LOC128092253: variants seen among roughly 807,000 people sequenced by gnomAD.
chr6:133,959,550 C>A, the LOC128092253 span, among the ~76,000 whole-genome samples: 3 of 151,990 alleles, frequency 2.0e-5, no homozygotes, highest in African/African-American at 7.2e-5. Flanking sequence ...GGCGCGATCT[C>A]GGCTCACTGC....
At chr6:133,969,315 T>C in the LOC128092253 span, among the ~76,000 whole-genome samples, 1 of 150,902 alleles carries the variant, frequency 6.6e-6, no homozygotes, top group Non-Finnish European at 1.5e-5. Flanking sequence ...TTGACTAATT[T>C]CCATTAAAAA....
At chr6:133,977,602 A>G in the LOC128092253 span, among the ~76,000 whole-genome samples, 11 of 152,202 alleles carry the variant, frequency 7.2e-5, 1 homozygote, top group Admixed American at 2.0e-4. Context: ...ATTCGCATGA[A>G]GTTTCTTCTT....
the LOC128092253 span, among the ~76,000 whole-genome samples, chr6:133,958,328 TGTTA>T: frequency 1.1e-4 from 16 of 152,226 alleles, no homozygotes; most frequent in African/African-American, 3.9e-4. Context: ...ACTTGAAGCT[TGTTA>T]GTATCAGTGT....
chr6:133,955,264 T>G, the LOC128092253 span, among the ~76,000 whole-genome samples: 1 of 149,494 alleles, frequency 6.7e-6, no homozygotes, highest in African/African-American at 2.5e-5. Context: ...CTTCATTGTT[T>G]GAGTGAGGGT....
At chr6:133,956,475 A>G in the LOC128092253 span, among the ~76,000 whole-genome samples, 1 of 152,208 alleles carries the variant, frequency 6.6e-6, no homozygotes, top group African/African-American at 2.4e-5. Flanking sequence ...TCTTTATTAC[A>G]TACTGCCTGG....
At chr6:133,975,364 G>T in the LOC128092253 span, among the ~76,000 whole-genome samples, 1 of 151,360 alleles carries the variant, frequency 6.6e-6, no homozygotes, top group South Asian at 2.1e-4. Context: ...ACAGAGACAT[G>T]AATTATTTTA....
At chr6:133,953,498 C>T in the LOC128092253 span, 5,667 of 151,196 alleles carry the variant, frequency 0.037, 342 homozygotes, top group African/African-American at 0.13. Flanking sequence ...TGCGGGGCGT[C>T]TGGGCGCGGG....
At chr6:133,969,406 C>T in the LOC128092253 span, among the ~76,000 whole-genome samples, 1 of 151,832 alleles carries the variant, frequency 6.6e-6, no homozygotes, top group Non-Finnish European at 1.5e-5. Context: ...TGAATGCTAC[C>T]TGCTTAACAG....
chr6:133,956,696 T>C, the LOC128092253 span, among the ~76,000 whole-genome samples: 3 of 152,228 alleles, frequency 2.0e-5, no homozygotes, highest in Non-Finnish European at 4.4e-5. Context: ...TGAAATCTGA[T>C]TCTTGATGCC....
the LOC128092253 span, among the ~76,000 whole-genome samples, chr6:133,954,874 C>G: frequency 3.9e-5 from 6 of 152,060 alleles, no homozygotes; most frequent in Non-Finnish European, 4.4e-5. Context: ...CTGGCTTGTT[C>G]CTGAATGAGG....
At chr6:133,954,551 T>G in the LOC128092253 span, among the ~76,000 whole-genome samples, 51 of 152,344 alleles carry the variant, frequency 3.3e-4, no homozygotes, top group African/African-American at 1.2e-3. Context: ...ACAAGCTGCT[T>G]AATGGTTTTA....
the LOC128092253 span, among the ~76,000 whole-genome samples, chr6:133,977,582 T>C: frequency 6.6e-6 from 1 of 152,292 alleles, no homozygotes; most frequent in African/African-American, 2.4e-5. Flanking sequence ...AATAGTAAAT[T>C]TGATAGTTGA....
chr6:133,975,057 A>G, the LOC128092253 span, among the ~76,000 whole-genome samples: 2 of 152,188 alleles, frequency 1.3e-5, no homozygotes, highest in Non-Finnish European at 2.9e-5. Flanking sequence ...AAGAAATTAG[A>G]AAAAGAATAT....
chr6:133,977,388 G>A, the LOC128092253 span, among the ~76,000 whole-genome samples: 1 of 151,914 alleles, frequency 6.6e-6, no homozygotes, highest in Non-Finnish European at 1.5e-5. Context: ...GAATTTCAAG[G>A]CTTCTTTTTT....
chr6:133,957,135 G>A, the LOC128092253 span, among the ~76,000 whole-genome samples: 1 of 152,138 alleles, frequency 6.6e-6, no homozygotes, highest in African/African-American at 2.4e-5. Flanking sequence ...GGTTTTGTGG[G>A]TTGAAGCATG....
chr6:133,974,084 G>C, the LOC128092253 span, among the ~76,000 whole-genome samples: 4 of 149,514 alleles, frequency 2.7e-5, no homozygotes, highest in African/African-American at 9.8e-5. Flanking sequence ...ATATAACTAT[G>C]TAAGTGCATA....
At chr6:133,975,218 A>C in the LOC128092253 span, among the ~76,000 whole-genome samples, 1 of 152,166 alleles carries the variant, frequency 6.6e-6, no homozygotes, top group African/African-American at 2.4e-5. Context: ...ATGATACTAC[A>C]GTGAAAAAAG....
the LOC128092253 span, among the ~76,000 whole-genome samples, chr6:133,958,046 G>A: frequency 6.6e-6 from 1 of 152,226 alleles, no homozygotes; most frequent in East Asian, 1.9e-4. Flanking sequence ...CTTTTTTTAA[G>A]TTTTGAATTG....
At chr6:133,962,970 A>G in the LOC128092253 span, among the ~76,000 whole-genome samples, 1,282 of 152,352 alleles carry the variant, frequency 8.4e-3, 37 homozygotes, top group Admixed American at 0.062. Context: ...GGGATAGGAC[A>G]TGGCAAGGGA....
Sources: allele counts gnomAD v4.1 joint callset (sites outside exome capture counted in the v4.1 genomes callset), GRCh38; gene constraint gnomAD v4.1.1; transcripts MANE v1.5.